SLC25A21: variants seen among roughly 807,000 people sequenced by gnomAD.
SLC25A21 encodes solute carrier family 25 member 21, also known as mitochondrial 2-oxodicarboxylate carrier.
A neutral mutation model predicts 43.8 loss-of-function variants in SLC25A21; 47 were observed. The observed-to-expected ratio is 1.07, with a 90% CI of 0.85 to 1.37. SLC25A21 has a LOEUF of 1.37. Ranked by LOEUF, SLC25A21 falls within the 40% of genes most tolerant of loss-of-function variation. The pLI is 0.00. For missense variants in SLC25A21, 352 were observed against 350.2 expected (o/e 1.00, Z -0.04); for synonymous variants, 131 against 121.3 (o/e 1.08, Z -0.52).
chr14:37,151,336 C>A (rs1227943093), intron 1 of SLC25A21, among the ~76,000 whole-genome samples: 3 of 152,086 alleles, frequency 2.0e-5, no homozygotes, highest in South Asian at 2.1e-4. Context: ...GAGGCTTGGC[C>A]CACTTCCTGA....
intron 1 of SLC25A21, among the ~76,000 whole-genome samples, chr14:36,920,943 T>A (rs1189995839): frequency 6.6e-6 from 1 of 152,172 alleles, no homozygotes; most frequent in African/African-American, 2.4e-5. Flanking sequence ...ACTCATCATT[T>A]ATTTCTTCAA....
chr14:36,709,545 C>T (rs1012289926), intron 7 of SLC25A21, among the ~76,000 whole-genome samples: 20 of 152,194 alleles, frequency 1.3e-4, no homozygotes, highest in African/African-American at 4.8e-4. Flanking sequence ...TCTATATACA[C>T]TGTGGCCAAT....
intron 1 of SLC25A21, among the ~76,000 whole-genome samples, chr14:36,885,640 T>C (rs542534192): frequency 6.6e-6 from 1 of 152,324 alleles, no homozygotes; most frequent in East Asian, 1.9e-4. Flanking sequence ...GATACTGTTT[T>C]AAAGAGGAAG....
chr14:36,894,809 T>C (rs1891189179), intron 1 of SLC25A21, among the ~76,000 whole-genome samples: 1 of 152,374 alleles, frequency 6.6e-6, no homozygotes, highest in South Asian at 2.1e-4. Context: ...ATGTGGTTTT[T>C]GTCATTGGTT....
At chr14:37,052,328 G>A (rs890482367) in intron 1 of SLC25A21, among the ~76,000 whole-genome samples, 2 of 152,116 alleles carry the variant, frequency 1.3e-5, no homozygotes, top group African/African-American at 4.8e-5. Flanking sequence ...TCCAAACCGG[G>A]CTATGCAACA....
chr14:36,945,507 A>T (rs1043175395), intron 1 of SLC25A21, among the ~76,000 whole-genome samples: 1 of 152,206 alleles, frequency 6.6e-6, no homozygotes, highest in Non-Finnish European at 1.5e-5. Context: ...AAGTATATCC[A>T]TACAAATGGA....
chr14:36,761,105 C>G lies in SLC25A21; in HGVS notation c.204-26532G>C, dbSNP rs539071919. On this transcript the variant is annotated intron_variant, in intron 3 of 9. Coordinates refer to ENST00000331299, the MANE Select transcript of SLC25A21 (RefSeq NM_030631.4). ...TCCTCTTCCCTTTCATCTGGGGCCT[C>G]TAAGGAGCTCAGCTCCTGCCCATTC... 2.6e-5 allele frequency among the ~76,000 whole-genome samples: 4 copies of G among 152,306 alleles called. No individual in the cohort carries two copies. In the East Asian group the frequency reaches 7.7e-4, roughly 30 times the overall value.
chr14:36,690,589 C>A (rs982040073), intron 7 of SLC25A21, among the ~76,000 whole-genome samples: 6 of 152,118 alleles, frequency 3.9e-5, no homozygotes, highest in African/African-American at 1.4e-4. Context: ...TATGTCCATT[C>A]CTACACTGGG....
chr14:36,772,931 G>A (rs898941473), intron 3 of SLC25A21, among the ~76,000 whole-genome samples: 4 of 152,084 alleles, frequency 2.6e-5, no homozygotes, highest in African/African-American at 9.7e-5. Flanking sequence ...TGAACATACC[G>A]ATTGCCTATA....
intron 3 of SLC25A21, among the ~76,000 whole-genome samples, chr14:36,741,733 C>A (rs927223493): frequency 6.6e-6 from 1 of 152,188 alleles, no homozygotes; most frequent in Non-Finnish European, 1.5e-5. Flanking sequence ...CTGGATCCCA[C>A]TTCTTTGCCA....
At chr14:36,731,879 C>T (rs1594532846) in intron 4 of SLC25A21, among the ~76,000 whole-genome samples, 1 of 152,254 alleles carries the variant, frequency 6.6e-6, no homozygotes, top group South Asian at 2.1e-4. Context: ...CCTTCTCAAC[C>T]CAGGGAGTCC....
At chr14:37,109,715 T>C (rs544133983) in intron 1 of SLC25A21, among the ~76,000 whole-genome samples, 1 of 152,316 alleles carries the variant, frequency 6.6e-6, no homozygotes, top group South Asian at 2.1e-4. Context: ...GCCTGGACTT[T>C]GTCATGATTC....
chr14:36,821,649 T>C (rs2138461798), intron 2 of SLC25A21, among the ~76,000 whole-genome samples: 2 of 152,000 alleles, frequency 1.3e-5, no homozygotes, highest in South Asian at 4.2e-4. Context: ...AAACTCTATC[T>C]CTACTAAAAA....
intron 1 of SLC25A21, among the ~76,000 whole-genome samples, chr14:37,044,129 C>T (rs886650608): frequency 4.0e-5 from 6 of 151,874 alleles, no homozygotes; most frequent in Admixed American, 1.3e-4. Flanking sequence ...CTTTCCATTA[C>T]ATCCCCAGCA....
rs183075642 is a variant in SLC25A21 at position 37,113,835 on chromosome 14, C to T, written c.70+58446G>A. Among the ~76,000 whole-genome samples, 607 of 115,354 alleles carry T rather than the reference C, an allele frequency of 5.3e-3. 6 individuals carry two copies. The highest frequency in any genetic ancestry group is 0.019 in the African/African-American group (559 of 30,004). 75.7% of individuals were successfully genotyped at this position (115,354 alleles called of 152,430 possible). A position where few individuals can be genotyped will look rare whatever the true frequency, so the allele number is the denominator to read the frequency against. On this transcript the variant is annotated intron_variant, in intron 1 of 9. Coordinates refer to ENST00000331299, the MANE Select transcript of SLC25A21 (RefSeq NM_030631.4). ...CAACACTGTACTCCAGTCTGGGCAA[C>T]AGAGCGAGACTCTGTCTCAAAAAAA...
At chr14:37,154,207 C>T (rs571868415) in intron 1 of SLC25A21, among the ~76,000 whole-genome samples, 1 of 152,266 alleles carries the variant, frequency 6.6e-6, no homozygotes, top group African/African-American at 2.4e-5. Context: ...CCAAGCAGAA[C>T]ATCACCACAG....
Position 36,735,112 on chromosome 14 carries a change from T to A in SLC25A21, c.204-539A>T, listed in dbSNP as rs555928518. Among the ~76,000 whole-genome samples, 3 of 152,276 alleles carry A rather than the reference T, an allele frequency of 2.0e-5. No individual in the cohort carries two copies. The East Asian group carries it at 5.8e-4, about 29-fold the overall frequency. ...AGTCATAATTTTCAGGCTTCCTTGA[T>A]GGAAGTGGAAGAAGGTCACAGAGGG... On this transcript the variant is annotated intron_variant, in intron 3 of 9. Coordinates refer to ENST00000331299, the MANE Select transcript of SLC25A21 (RefSeq NM_030631.4).
intron 1 of SLC25A21, among the ~76,000 whole-genome samples, chr14:37,112,904 G>T (rs983110601): frequency 2.0e-5 from 3 of 151,988 alleles, no homozygotes; most frequent in African/African-American, 7.3e-5. Context: ...CAGCAACTTA[G>T]ATTATACCCT....
chr14:36,896,637 T>C lies in SLC25A21; in HGVS notation c.71-21633A>G, dbSNP rs184666299. On this transcript the variant is annotated intron_variant, in intron 1 of 9. Coordinates refer to ENST00000331299, the MANE Select transcript of SLC25A21 (RefSeq NM_030631.4). ...TGATGCAGTTTCTTCCTAGCCTTGA[T>C]GGTCTTTACAATTTGGCATGTTTTT... Among the ~76,000 whole-genome samples the C allele has an allele frequency of 9.2e-5, 14 of 152,358 alleles. No homozygotes were observed. The East Asian group carries it at 2.5e-3, about 27-fold the overall frequency.
Sources: allele counts gnomAD v4.1 joint callset (sites outside exome capture counted in the v4.1 genomes callset), GRCh38; gene constraint gnomAD v4.1.1; transcripts MANE v1.5; gene names NCBI Gene and HGNC (gene_info 2026-07-23, HGNC 2026-07-21).